The following DTNA variants were observed in gnomAD, a reference collection of about 807,000 sequenced individuals.
DTNA encodes dystrophin-related protein 3.
DTNA carries 43 observed loss-of-function variants against 100.7 expected under a neutral mutation model. The observed-to-expected ratio is 0.43, with a 90% CI of 0.33 to 0.55. DTNA has a LOEUF of 0.55. Ranked by LOEUF, DTNA falls within the 20% of genes least tolerant of loss-of-function variation. The pLI, the probability that DTNA is intolerant of heterozygous loss-of-function variation, is 0.04. For synonymous variants in DTNA, 349 were observed against 347.9 expected, an observed-to-expected ratio of 1.00 and a Z score of -0.04; for missense variants, 798 against 953.9, an observed-to-expected ratio of 0.84 and a Z score of 2.15.
intron 1 of DTNA, among the ~76,000 whole-genome samples, chr18:34,667,353 A>G (rs955260212): frequency 6.6e-5 from 10 of 152,216 alleles, no homozygotes; most frequent in South Asian, 2.1e-4. Flanking sequence ...TAGATATACA[A>G]TCATGTCATC....
intron 1 of DTNA, among the ~76,000 whole-genome samples, chr18:34,674,606 A>G (rs1409983817): frequency 6.6e-6 from 1 of 152,192 alleles, no homozygotes; most frequent in African/African-American, 2.4e-5. Context: ...TCTTAGGCTG[A>G]TAACTAATAA....
intron 1 of DTNA, among the ~76,000 whole-genome samples, chr18:34,716,081 A>G (rs1288078889): frequency 6.6e-6 from 1 of 152,160 alleles, no homozygotes; most frequent in Non-Finnish European, 1.5e-5. Flanking sequence ...AATGTGTAGC[A>G]AAGTCTTTAA....
rs71166025 is a variant in DTNA at position 34,753,336 on chromosome 18, GATTTATTT to G, written c.-1-2619_-1-2612del. Among the ~76,000 whole-genome samples the G allele has an allele frequency of 7.8e-3, 1,056 of 135,452 alleles. 20 individuals are homozygous for G. The highest frequency in any genetic ancestry group is 0.037 in the East Asian group (181 of 4,858). 88.9% of individuals were successfully genotyped at this position (135,452 alleles called of 152,430 possible). A position where few individuals can be genotyped will look rare whatever the true frequency, so the allele number is the denominator to read the frequency against. On this transcript the variant is annotated intron_variant, in intron 1 of 22. Transcript: ENST00000444659. ...AGCTCCCTAGACTACCATCCTTTGT[GATTTATTT>G]ATTTATTTATTTATTTATTTTATTT... is the stretch of plus-strand genomic sequence containing the variant.
intron 3 of DTNA, among the ~76,000 whole-genome samples, chr18:34,782,513 G>A (rs2094363999): frequency 6.6e-6 from 1 of 152,182 alleles, no homozygotes; most frequent in Admixed American, 6.5e-5. Flanking sequence ...TGCTCTGGGA[G>A]CAACAAAAGG....
chr18:34,830,139 G>A (rs1232398093), intron 11 of DTNA, among the ~76,000 whole-genome samples: 1 of 151,998 alleles, frequency 6.6e-6, no homozygotes, highest in African/African-American at 2.4e-5. Flanking sequence ...AAAGTTAAAG[G>A]TTCTATACTT....
At position 34,866,896 on chromosome 18, in the gene DTNA, A is replaced by G. The variant is rs570243315; in HGVS notation, c.1743+2834A>G. 317 of 1,098,356 alleles carry G rather than the reference A, an allele frequency of 2.9e-4. 2 individuals carry two copies. Among genetic ancestry groups the G allele is most frequent in the Middle Eastern group, 1.6e-3 (4 of 2,494 alleles). The allele number at this position is 1,098,356 out of a possible 1,614,324, so 68.0% of individuals were successfully genotyped here. A position where few individuals can be genotyped will look rare whatever the true frequency, so the allele number is the denominator to read the frequency against. Reference sequence around the variant, plus strand: ...CATACTTTTTTTTTTTTCTGGAAATAGGGGCATTGTGACTTTATAGCCTAA... The same window carrying G: ...CATACTTTTTTTTTTTTCTGGAAATGGGGGCATTGTGACTTTATAGCCTAA... On this transcript the variant is annotated intron_variant, in intron 17 of 22. Coordinates refer to ENST00000444659, the MANE Select transcript of DTNA (RefSeq NM_001386795.1).
intron 1 of DTNA, among the ~76,000 whole-genome samples, chr18:34,580,071 C>T (rs1476710087): frequency 6.6e-6 from 1 of 151,974 alleles, no homozygotes; most frequent in Non-Finnish European, 1.5e-5. Flanking sequence ...ATATTACCCA[C>T]CCTTTCTTCT....
At chr18:34,550,425 A>G (rs1472825919) in intron 1 of DTNA, among the ~76,000 whole-genome samples, 1 of 152,144 alleles carries the variant, frequency 6.6e-6, no homozygotes, top group Non-Finnish European at 1.5e-5. Context: ...GCAAGTAGAA[A>G]CAGTTACTGG....
In DTNA at chr18:34,764,725, C is replaced by G. The variant is rs113987722; in HGVS notation, c.68-1236C>G. Among the ~76,000 whole-genome samples, 1,113 of 152,278 alleles carry G rather than the reference C, an allele frequency of 7.3e-3. 22 individuals are homozygous for G. The highest frequency in any genetic ancestry group is 0.025 in the African/African-American group (1,053 of 41,572). ...TTCACTGGGAAAGCACTTAATTGGC[C>G]GTCTAATATAATCGCTTCCAGGATA... On this transcript the variant is annotated intron_variant, in intron 2 of 22. Transcript: ENST00000444659.
At chr18:34,560,836 C>T (rs749063865) in intron 1 of DTNA, among the ~76,000 whole-genome samples, 1 of 152,152 alleles carries the variant, frequency 6.6e-6, no homozygotes, top group African/African-American at 2.4e-5. Context: ...GCATGAAAAT[C>T]GCTTCAGCCC....
intron 1 of DTNA, among the ~76,000 whole-genome samples, chr18:34,694,104 A>C (rs1347914896): frequency 6.6e-6 from 1 of 151,766 alleles, no homozygotes; most frequent in Non-Finnish European, 1.5e-5. Context: ...TATCTCTTTG[A>C]GTAAGATAAA....
chr18:34,845,937 T>C (rs2096369467), intron 13 of DTNA, among the ~76,000 whole-genome samples: 2 of 152,208 alleles, frequency 1.3e-5, no homozygotes, highest in African/African-American at 4.8e-5. Flanking sequence ...ATTTTCTGTC[T>C]TAAGGGAATG....
rs532640605 is a variant in DTNA at position 34,597,764 on chromosome 18, C to T, written c.-2+104250C>T. On this transcript the variant is annotated intron_variant, in intron 1 of 19. Transcript: ENST00000283365. ...TAGCTCTGTGCTAGTCTACCTTTCC[C>T]CACCGCCCCCCGCCCCCCCAGAATG... Among the ~76,000 whole-genome samples, 5 of 152,086 alleles carry T rather than the reference C, an allele frequency of 3.3e-5. No homozygotes were observed. The South Asian group carries it at 6.2e-4, about 19-fold the overall frequency.
intron 5 of DTNA, among the ~76,000 whole-genome samples, chr18:34,811,619 T>C (rs569676480): frequency 1.3e-5 from 2 of 152,312 alleles, no homozygotes; most frequent in East Asian, 3.9e-4. Flanking sequence ...CTCTCTCATA[T>C]ATACAAAAAT....
intron 1 of DTNA, among the ~76,000 whole-genome samples, chr18:34,519,201 G>A (rs755077607): frequency 2.0e-5 from 3 of 152,168 alleles, no homozygotes; most frequent in Non-Finnish European, 1.5e-5. Flanking sequence ...AACTGTCCTA[G>A]TAATTGTTTT....
chr18:34,573,595 G>C (rs1216244413), intron 1 of DTNA, among the ~76,000 whole-genome samples: 1 of 152,018 alleles, frequency 6.6e-6, no homozygotes, highest in South Asian at 2.1e-4. Flanking sequence ...AATTAAAATT[G>C]TATACATTTA....
chr18:34,736,237 A>G (rs747825188), intron 1 of DTNA, among the ~76,000 whole-genome samples: 3 of 152,184 alleles, frequency 2.0e-5, no homozygotes, highest in Non-Finnish European at 4.4e-5. Context: ...TACTTTCCCT[A>G]ATGAGTACTC....
At chr18:34,751,742 A>G (rs2092339331) in intron 1 of DTNA, among the ~76,000 whole-genome samples, 1 of 152,220 alleles carries the variant, frequency 6.6e-6, no homozygotes, top group Non-Finnish European at 1.5e-5. Context: ...ATAAACTACT[A>G]CATCTTACAG....
chr18:34,879,415 A>T lies in DTNA; in HGVS notation c.1994-136A>T, dbSNP rs955854026. On this transcript the variant is annotated intron_variant, in intron 19 of 22. Coordinates refer to ENST00000444659, the MANE Select transcript of DTNA (RefSeq NM_001386795.1). ...TCAATTCTTATTTTGAAACAATAAA[A>T]ATGTATTTGATTAAAATATGATAAC... 35 of 852,136 alleles carry T rather than the reference A, an allele frequency of 4.1e-5. No homozygotes were observed. In the African/African-American group the frequency reaches 5.8e-4, roughly 14 times the overall value. The allele number at this position is 852,136 out of a possible 1,614,324, so 52.8% of individuals were successfully genotyped here. A position where few individuals can be genotyped will look rare whatever the true frequency, so the allele number is the denominator to read the frequency against.
Sources: allele counts gnomAD v4.1 joint callset (sites outside exome capture counted in the v4.1 genomes callset), GRCh38; gene constraint gnomAD v4.1.1; transcripts MANE v1.5; gene names NCBI Gene and HGNC (gene_info 2026-07-23, HGNC 2026-07-21).